Variants in DACH1 observed in about 807,000 individuals in gnomAD.
DACH1 encodes the protein dachshund family transcription factor 1, also known as dachshund homolog 1.
In DACH1, 12 loss-of-function variants were observed where a neutral mutation model predicts 54.2. That is an observed-to-expected ratio of 0.22 (90% confidence interval 0.14 to 0.36). The LOEUF (loss-of-function observed/expected upper bound fraction) is 0.36, where lower values mean the gene tolerates loss of function less well. DACH1 is among the 10% of genes least tolerant of loss of function. DACH1 has a pLI of 1.00. For missense variants in DACH1, 805 were observed against 929.8 expected, an observed-to-expected ratio of 0.87 and a Z score of 1.75; for synonymous variants, 386 against 366.2, an observed-to-expected ratio of 1.05 and a Z score of -0.62.
At chr13:71,762,328 G>A (rs1885433566) in intron 1 of DACH1, among the ~76,000 whole-genome samples, 1 of 152,106 alleles carries the variant, frequency 6.6e-6, no homozygotes, top group Non-Finnish European at 1.5e-5. Context: ...GGACATTTAG[G>A]TGTGAAAAGA....
chr13:71,789,507 A>G (rs1316699465), intron 1 of DACH1, among the ~76,000 whole-genome samples: 2 of 152,132 alleles, frequency 1.3e-5, no homozygotes, highest in South Asian at 2.1e-4. Context: ...TATAATAAAC[A>G]TATCAAAAGT....
chr13:71,472,606 T>C (rs1877183597), intron 10 of DACH1, among the ~76,000 whole-genome samples: 1 of 152,222 alleles, frequency 6.6e-6, no homozygotes, highest in African/African-American at 2.4e-5. Flanking sequence ...ATTTCAGTTA[T>C]GGTTGGATTT....
intron 6 of DACH1, among the ~76,000 whole-genome samples, chr13:71,519,101 T>A (rs1881377957): frequency 6.6e-6 from 1 of 151,782 alleles, no homozygotes; most frequent in Admixed American, 6.6e-5. Context: ...ATATTTACTA[T>A]CTCTCCCTTT....
Position 71,504,203 on chromosome 13 carries a change from G to T in DACH1, c.1571-15055C>A, listed in dbSNP as rs184708418. Among the ~76,000 whole-genome samples the T allele has an allele frequency of 7.6e-4, 116 of 152,034 alleles. No homozygotes were observed. In the East Asian group the frequency reaches 0.015, roughly 19 times the overall value. The stretch of plus-strand genomic sequence containing the variant: ...CTATTTAAGAAATACACATCTGTTG[G>T]CTCAAAAAGTCAACAATTAACACGA... On this transcript the variant is annotated intron_variant, in intron 6 of 10. Coordinates refer to ENST00000613252, the MANE Select transcript of DACH1 (RefSeq NM_080759.6).
chr13:71,459,042 A>C lies in DACH1; in HGVS notation c.2083+16099T>G, dbSNP rs981859127. 7.2e-5 allele frequency among the ~76,000 whole-genome samples: 11 copies of C among 152,018 alleles called. 1 individual carries two copies. In the East Asian group the frequency reaches 1.9e-3, roughly 27 times the overall value. On this transcript the variant is annotated intron_variant, in intron 10 of 10. Transcript: ENST00000613252. The stretch of plus-strand genomic sequence containing the variant: ...GATAGATTCAACAAGAGTTACGGAC[A>C]ATAGTTTGCCAAAGTTCATTCCACG...
At chr13:71,862,925 A>G (rs1254343896) in intron 1 of DACH1, among the ~76,000 whole-genome samples, 1 of 152,066 alleles carries the variant, frequency 6.6e-6, no homozygotes, top group Non-Finnish European at 1.5e-5. Context: ...ATACACACAT[A>G]TATGGGTGTA....
intron 1 of DACH1, among the ~76,000 whole-genome samples, chr13:71,751,431 A>T (rs1039768936): frequency 1.3e-5 from 2 of 152,218 alleles, no homozygotes; most frequent in Non-Finnish European, 1.5e-5. Flanking sequence ...ATTTCTGTCC[A>T]TTCTAGTGAA....
intron 2 of DACH1, among the ~76,000 whole-genome samples, chr13:71,634,116 G>A (rs547731069): frequency 6.6e-6 from 1 of 151,920 alleles, no homozygotes; most frequent in Admixed American, 6.6e-5. Context: ...GGGATTACAT[G>A]CACCCACCAC....
intron 2 of DACH1, among the ~76,000 whole-genome samples, chr13:71,681,349 A>T (rs1233079565): frequency 1.3e-5 from 2 of 152,272 alleles, no homozygotes; most frequent in East Asian, 3.9e-4. Context: ...ATTACGAGAC[A>T]TTTCTATTCA....
Position 71,866,470 on chromosome 13 carries a change from ACCGCCGCCG to A in DACH1, c.291_299del (p.Gly99_Gly101del), listed in dbSNP as rs534501618. On this transcript the variant is annotated inframe_deletion, in exon 1 of 11. Transcript: ENST00000613252. ...CCAGGTTGGGGTTGCAGTTGCTGCC[ACCGCCGCCG>A]CCGCCACCGCCGCCTCCGTTGCCGC... The A allele has an allele frequency of 2.8e-4, 351 of 1,256,894 alleles. 1 individual carries two copies. In the African/African-American group the frequency reaches 5.5e-3, roughly 20 times the overall value. 77.9% of individuals were successfully genotyped at this position (1,256,894 alleles called of 1,614,324 possible).
At chr13:71,512,090 T>C (rs1276612622) in intron 6 of DACH1, among the ~76,000 whole-genome samples, 1 of 151,986 alleles carries the variant, frequency 6.6e-6, no homozygotes, top group Non-Finnish European at 1.5e-5. Context: ...AATTTCAGCA[T>C]TTCTTTTTTG....
intron 3 of DACH1, among the ~76,000 whole-genome samples, chr13:71,604,166 C>T (rs1434220418): frequency 4.0e-5 from 6 of 151,850 alleles, no homozygotes; most frequent in Non-Finnish European, 8.8e-5. Flanking sequence ...CATGTAATTT[C>T]ACAAACTTCA....
chr13:71,718,267 A>G (rs1228903265), intron 1 of DACH1, among the ~76,000 whole-genome samples: 2 of 152,146 alleles, frequency 1.3e-5, no homozygotes, highest in South Asian at 2.1e-4. Flanking sequence ...CGGAAGAAAG[A>G]GCATAACAGT....
At chr13:71,798,471 C>T (rs1031107734) in intron 1 of DACH1, among the ~76,000 whole-genome samples, 5 of 150,884 alleles carry the variant, frequency 3.3e-5, no homozygotes, top group South Asian at 2.1e-4. Flanking sequence ...TCCATAATTT[C>T]GTCTAAAACC....
At chr13:71,630,214 G>A (rs1876986922) in intron 3 of DACH1, among the ~76,000 whole-genome samples, 1 of 151,976 alleles carries the variant, frequency 6.6e-6, no homozygotes, top group Non-Finnish European at 1.5e-5. Context: ...AAAGTCTAGG[G>A]TTTCCTTTGT....
intron 6 of DACH1, among the ~76,000 whole-genome samples, chr13:71,547,218 T>G (rs1227879766): frequency 6.6e-6 from 1 of 152,122 alleles, no homozygotes; most frequent in Non-Finnish European, 1.5e-5. Flanking sequence ...CTAACTAATT[T>G]AGTTGCACTC....
intron 1 of DACH1, among the ~76,000 whole-genome samples, chr13:71,752,488 T>TC (rs1884971532): frequency 6.8e-6 from 1 of 147,854 alleles, no homozygotes; most frequent in Non-Finnish European, 1.5e-5. Flanking sequence ...CTCTCTTCCT[T>TC]TCTCTCTCTC....
intron 1 of DACH1, among the ~76,000 whole-genome samples, chr13:71,685,355 A>G (rs183176442): frequency 1.3e-3 from 193 of 152,308 alleles, no homozygotes; most frequent in African/African-American, 3.7e-3. Context: ...TAACACCCTA[A>G]AGCCATCAGC....
At chr13:71,737,351 G>A (rs1884182845) in intron 1 of DACH1, among the ~76,000 whole-genome samples, 1 of 152,150 alleles carries the variant, frequency 6.6e-6, no homozygotes, top group South Asian at 2.1e-4. Flanking sequence ...AACACAAATG[G>A]AACTTGGAAT....
Sources: allele counts gnomAD v4.1 joint callset (sites outside exome capture counted in the v4.1 genomes callset), GRCh38; gene constraint gnomAD v4.1.1; transcripts MANE v1.5; gene names NCBI Gene and HGNC (gene_info 2026-07-23, HGNC 2026-07-21).